The following C11orf97 variants were observed in gnomAD, a reference collection of about 807,000 sequenced individuals.
The protein encoded by C11orf97 is chromosome 11 open reading frame 97.
Under a neutral mutation model 16.2 loss-of-function variants are expected in C11orf97, and 15 were observed. That is an observed-to-expected ratio of 0.93 (90% confidence interval 0.62 to 1.43). The LOEUF is 1.43. C11orf97 is among the 40% of genes most tolerant of loss of function. The pLI, the probability that C11orf97 is intolerant of heterozygous loss-of-function variation, is 0.00. For synonymous variants in C11orf97, 61 were observed against 65.7 expected (o/e 0.93, Z 0.34); for missense variants, 171 against 161.2 (o/e 1.06, Z -0.33).
chr11:94,516,498 A>G (rs1947612488), intron 1 of C11orf97, among the ~76,000 whole-genome samples: 1 of 152,176 alleles, frequency 6.6e-6, no homozygotes, highest in African/African-American at 2.4e-5. Context: ...TTTGTTGAGC[A>G]TTTATTATCA....
intron 2 of C11orf97, among the ~76,000 whole-genome samples, chr11:94,520,522 C>G (rs1565253009): frequency 1.3e-5 from 2 of 152,166 alleles, no homozygotes; most frequent in Non-Finnish European, 2.9e-5. Flanking sequence ...ATCCCAAAAC[C>G]TACTTGATTC....
chr11:94,523,129 G>T (rs1228185681), intron 2 of C11orf97, among the ~76,000 whole-genome samples: 1 of 152,146 alleles, frequency 6.6e-6, no homozygotes, highest in Non-Finnish European at 1.5e-5. Flanking sequence ...TCCATCAAAA[G>T]TAGTAAAAAA....
intron 1 of C11orf97, among the ~76,000 whole-genome samples, chr11:94,515,220 T>C (rs1258243952): frequency 6.6e-6 from 1 of 152,152 alleles, no homozygotes. Context: ...ACAGGAATAA[T>C]TATACTTGCC....
intron 2 of C11orf97, among the ~76,000 whole-genome samples, chr11:94,518,428 G>A (rs1947631393): frequency 6.6e-6 from 1 of 151,474 alleles, no homozygotes. Flanking sequence ...CAAGAATTTG[G>A]ATTTTTACAA....
chr11:94,529,751 G>T (rs1947724766), intron 3 of C11orf97, among the ~76,000 whole-genome samples: 1 of 152,202 alleles, frequency 6.6e-6, no homozygotes, highest in Admixed American at 6.5e-5. Context: ...AACAGTTGTT[G>T]TGTTGCGGTT....
At chr11:94,524,097 T>C (rs547321897) in intron 2 of C11orf97, among the ~76,000 whole-genome samples, 1 of 152,060 alleles carries the variant, frequency 6.6e-6, no homozygotes, top group Non-Finnish European at 1.5e-5. Context: ...ATGTTGGGAA[T>C]TATGGTGATA....
chr11:94,517,170 T>C (rs942581953), intron 1 of C11orf97, among the ~76,000 whole-genome samples: 1 of 152,236 alleles, frequency 6.6e-6, no homozygotes, highest in Non-Finnish European at 1.5e-5. Flanking sequence ...TTCTCTCTTC[T>C]GTACCTGGAT....
intron 1 of C11orf97, 65 bp from the exon 2 acceptor site, chr11:94,517,518 A>G (rs582049): frequency 0.57 from 519,292 of 914,186 alleles, 149,391 homozygotes; most frequent in African/African-American, 0.64. Flanking sequence ...TATCATGTAG[A>G]TATAATGGCT....
chr11:94,514,102 G>A (rs1001694459), intron 1 of C11orf97, among the ~76,000 whole-genome samples: 4 of 152,266 alleles, frequency 2.6e-5, no homozygotes, highest in Middle Eastern at 3.4e-3. Context: ...GAGCCACCAC[G>A]CCCAGCCTCC....
chr11:94,519,333 A>G (rs1293538367), intron 2 of C11orf97, among the ~76,000 whole-genome samples: 2 of 152,214 alleles, frequency 1.3e-5, no homozygotes, highest in African/African-American at 2.4e-5. Context: ...GGAAAGTTTT[A>G]AAGTCTATTT....
intron 2 of C11orf97, among the ~76,000 whole-genome samples, chr11:94,520,411 T>C (rs521349): frequency 0.69 from 104,208 of 152,038 alleles, 36,049 homozygotes; most frequent in African/African-American, 0.78. Flanking sequence ...GTCTCAGTCA[T>C]GGGCTCTTTT....
intron 1 of C11orf97, among the ~76,000 whole-genome samples, chr11:94,513,143 C>A (rs759882096): frequency 3.9e-5 from 6 of 152,102 alleles, no homozygotes; most frequent in African/African-American, 1.2e-4. Context: ...TCAGTGCAGG[C>A]GAAATACTAA....
At chr11:94,526,699 A>G (rs953117251) in intron 2 of C11orf97, among the ~76,000 whole-genome samples, 1 of 152,204 alleles carries the variant, frequency 6.6e-6, no homozygotes, top group African/African-American at 2.4e-5. Flanking sequence ...CTATCTCTGA[A>G]CAGGATAGAA....
chr11:94,528,032 T>A, intron 2 of C11orf97, 52 bp from the exon 3 acceptor site: 3 of 1,464,100 alleles, frequency 2.0e-6, no homozygotes, highest in Non-Finnish European at 2.7e-6. Context: ...AACTCTGTGC[T>A]AAAAAGAGAA....
At chr11:94,517,966 G>A (rs2508460) in intron 2 of C11orf97, among the ~76,000 whole-genome samples, 84,269 of 151,568 alleles carry the variant, frequency 0.56, 23,724 homozygotes, top group African/African-American at 0.58. Context: ...TGGCTAACAC[G>A]GTGAAAACCC....
chr11:94,531,883 T>C lies in C11orf97; in HGVS notation c.377-13T>C. ...TAAAACACTTATTTTTTCACTTTTT[T>C]TTTTAACTCTAGGATAAGATGAATT... is the stretch of plus-strand genomic sequence containing the variant. On this transcript the variant is annotated splice_polypyrimidine_tract_variant and intron_variant, in intron 3 of 3. Coordinates refer to ENST00000542198, the MANE Select transcript of C11orf97 (RefSeq NM_001190462.2). 6.9e-7 allele frequency: 1 copy of C among 1,447,048 alleles called. No individual in the cohort carries two copies. Among genetic ancestry groups the C allele is most frequent in the South Asian group, 1.4e-5 (1 of 72,722 alleles). 89.6% of individuals were successfully genotyped at this position (1,447,048 alleles called of 1,614,324 possible).
intron 1 of C11orf97, 24 bp from the exon 2 acceptor site, chr11:94,517,559 T>C (rs995496559): frequency 1.0e-5 from 14 of 1,393,234 alleles, no homozygotes; most frequent in Admixed American, 9.1e-5. Context: ...TACTAAGTAA[T>C]TGATTTTGTT....
In C11orf97 at chr11:94,512,471, G is replaced by T; in HGVS notation, c.-58G>T. 1.6e-6 allele frequency: 2 copies of T among 1,256,874 alleles called. No homozygotes were observed. Among genetic ancestry groups the T allele is most frequent in the Non-Finnish European group, 2.0e-6 (2 of 999,706 alleles). The allele number at this position is 1,256,874 out of a possible 1,614,324, so 77.9% of individuals were successfully genotyped here. ...CCCGAGACGCCTCGCATGCTGGGCT[G>T]CCTGCGACTGAGCTGAGAAGGAAAC... is the stretch of plus-strand genomic sequence containing the variant. On this transcript the variant is annotated 5_prime_UTR_variant, in exon 1 of 4. Coordinates refer to ENST00000542198, the MANE Select transcript of C11orf97 (RefSeq NM_001190462.2).
intron 2 of C11orf97, among the ~76,000 whole-genome samples, chr11:94,525,243 T>C (rs1043257777): frequency 1.3e-5 from 2 of 152,198 alleles, no homozygotes; most frequent in Non-Finnish European, 2.9e-5. Context: ...GCAAGGTCTT[T>C]TGTATTTTTC....
Sources: gnomAD v4.1 joint callset for allele counts (sites outside exome capture counted in the v4.1 genomes callset) on GRCh38, gnomAD v4.1.1 for gene constraint, MANE v1.5 for transcripts, NCBI Gene and HGNC (gene_info 2026-07-23, HGNC 2026-07-21) for gene names.